LCLAT1: variants seen among roughly 807,000 people sequenced by gnomAD.
LCLAT1 encodes the protein 1-AGP acyltransferase 8.
Under a neutral mutation model 30.7 loss-of-function variants are expected in LCLAT1, and 11 were observed. The observed-to-expected ratio is 0.36, with a 90% confidence interval of 0.23 to 0.59. LCLAT1 has a LOEUF of 0.59. LCLAT1 is among the 20% of genes least tolerant of loss of function. LCLAT1 has a pLI of 0.77. For missense variants in LCLAT1, 402 were observed against 458.6 expected (o/e 0.88, Z 1.13); for synonymous variants, 155 against 151.3 (o/e 1.02, Z -0.18).
At chr2:30,473,363 A>C (rs1682892367) in intron 1 of LCLAT1, among the ~76,000 whole-genome samples, 1 of 152,170 alleles carries the variant, frequency 6.6e-6, no homozygotes, top group African/African-American at 2.4e-5. Flanking sequence ...CTTTTAAGTT[A>C]GTGTCCTTGG....
intron 5 of LCLAT1, among the ~76,000 whole-genome samples, chr2:30,630,236 C>T (rs1324707398): frequency 6.6e-6 from 1 of 152,150 alleles, no homozygotes; most frequent in Non-Finnish European, 1.5e-5. Flanking sequence ...CAGGGCCTCA[C>T]CTTTTTTGCC....
At chr2:30,463,899 TC>T (rs1394607476) in intron 1 of LCLAT1, among the ~76,000 whole-genome samples, 3 of 152,248 alleles carry the variant, frequency 2.0e-5, no homozygotes, top group African/African-American at 7.2e-5. Context: ...TTATACTATT[TC>T]TAATTTTCAC....
At chr2:30,550,738 C>T (rs60821673) in intron 3 of LCLAT1, among the ~76,000 whole-genome samples, 7,155 of 152,126 alleles carry the variant, frequency 0.047, 579 homozygotes, top group African/African-American at 0.16. Context: ...ATCCACTAAG[C>T]ACAGCCCACA....
intron 1 of LCLAT1, among the ~76,000 whole-genome samples, chr2:30,474,780 T>C (rs1031768657): frequency 1.4e-5 from 2 of 147,628 alleles, no homozygotes; most frequent in Admixed American, 6.8e-5. Flanking sequence ...TCCTGTGTAG[T>C]TGGGATCACA....
intron 1 of LCLAT1, among the ~76,000 whole-genome samples, chr2:30,456,908 G>T (rs943712771): frequency 6.6e-6 from 1 of 152,190 alleles, no homozygotes; most frequent in African/African-American, 2.4e-5. Flanking sequence ...GTTGGACAGG[G>T]ATTACTTCTT....
At chr2:30,449,501 C>CTT (rs1200587860) in intron 1 of LCLAT1, among the ~76,000 whole-genome samples, 7 of 136,944 alleles carry the variant, frequency 5.1e-5, no homozygotes, top group Non-Finnish European at 8.0e-5. Flanking sequence ...TGACTAATTT[C>CTT]TTTTTTTTTT....
intron 1 of LCLAT1, among the ~76,000 whole-genome samples, chr2:30,522,266 A>G (rs1241725534): frequency 1.3e-5 from 2 of 152,358 alleles, no homozygotes; most frequent in South Asian, 2.1e-4. Context: ...GAAACTACCA[A>G]ACTTTTCCAA....
chr2:30,482,720 G>A (rs900092681), intron 1 of LCLAT1, among the ~76,000 whole-genome samples: 3 of 151,718 alleles, frequency 2.0e-5, no homozygotes, highest in African/African-American at 7.3e-5. Context: ...AGTATCGCTT[G>A]AGGCTAGTAG....
At chr2:30,552,375 T>C (rs897896721) in intron 3 of LCLAT1, 24 of 307,356 alleles carry the variant, frequency 7.8e-5, no homozygotes, top group Admixed American at 2.0e-4. Context: ...TTTCTCCATT[T>C]TTCTCCACTT....
chr2:30,576,883 T>A (rs930903740), intron 5 of LCLAT1, among the ~76,000 whole-genome samples: 3 of 151,908 alleles, frequency 2.0e-5, no homozygotes, highest in African/African-American at 4.8e-5. Context: ...TTGTGTTGAG[T>A]ATTGCAAAGT....
intron 1 of LCLAT1, among the ~76,000 whole-genome samples, chr2:30,510,650 T>G (rs377471073): frequency 1.4e-4 from 21 of 152,200 alleles, no homozygotes; most frequent in South Asian, 4.1e-4. Flanking sequence ...TTGAGATTGT[T>G]GTTGCTGATT....
At chr2:30,508,380 C>T (rs1257142238) in intron 1 of LCLAT1, among the ~76,000 whole-genome samples, 2 of 152,042 alleles carry the variant, frequency 1.3e-5, no homozygotes, top group African/African-American at 4.8e-5. Context: ...AATAGTATTG[C>T]CTTCCGGGTT....
intron 5 of LCLAT1, among the ~76,000 whole-genome samples, chr2:30,609,897 C>A (rs1667649839): frequency 6.6e-6 from 1 of 152,100 alleles, no homozygotes; most frequent in Non-Finnish European, 1.5e-5. Context: ...GTAGCTGTAG[C>A]TAGCACAGGA....
At chr2:30,515,700 GTTTTCAAATGTCTTTT>G (rs1052860536) in intron 1 of LCLAT1, among the ~76,000 whole-genome samples, 2 of 152,104 alleles carry the variant, frequency 1.3e-5, no homozygotes, top group Non-Finnish European at 2.9e-5. Flanking sequence ...ACTGCACTTA[GTTTTCAAATGTCTTTT>G]TAAAAACAGT....
Position 30,558,620 on chromosome 2 carries a change from G to A in LCLAT1, c.365-3526G>A, listed in dbSNP as rs144860119. Among the ~76,000 whole-genome samples the A allele has an allele frequency of 6.9e-3, 992 of 144,758 alleles. 11 individuals are homozygous for A. The highest frequency in any genetic ancestry group is 0.024 in the African/African-American group (945 of 39,460). 95.0% of individuals were successfully genotyped at this position (144,758 alleles called of 152,430 possible). On this transcript the variant is annotated intron_variant, in intron 3 of 5. Transcript: ENST00000379509. ...CTCAAAAAAAAAAAAAAAAAAAAAGGTGTCCAGCATTATTGTATAGGAAAT... is the reference window on the plus strand; with the variant it reads ...CTCAAAAAAAAAAAAAAAAAAAAAGATGTCCAGCATTATTGTATAGGAAAT...
intron 1 of LCLAT1, chr2:30,459,654 A>C (rs756290618): frequency 6.2e-7 from 1 of 1,614,056 alleles, no homozygotes; most frequent in Non-Finnish European, 8.5e-7. Flanking sequence ...TTCTGAACCC[A>C]TGGTCAATTA....
At chr2:30,586,191 G>A (rs1404240390) in intron 5 of LCLAT1, among the ~76,000 whole-genome samples, 5 of 142,248 alleles carry the variant, frequency 3.5e-5, no homozygotes, top group Admixed American at 7.5e-5. Flanking sequence ...TTGCGAAGCC[G>A]AGATCGCGCC....
chr2:30,620,022 A>T (rs1438388807), intron 5 of LCLAT1, among the ~76,000 whole-genome samples: 1 of 152,220 alleles, frequency 6.6e-6, no homozygotes, highest in East Asian at 1.9e-4. Context: ...AATAATTTTA[A>T]TAGGCAACAT....
chr2:30,605,939 C>T (rs1286768477), intron 5 of LCLAT1: 1 of 1,081,720 alleles, frequency 9.2e-7, no homozygotes, highest in Non-Finnish European at 1.2e-6. Flanking sequence ...ACCTAGATCC[C>T]TCACTTGCAC....
Sources: gnomAD v4.1 joint callset for allele counts (sites outside exome capture counted in the v4.1 genomes callset) on GRCh38, gnomAD v4.1.1 for gene constraint, MANE v1.5 for transcripts, NCBI Gene and HGNC (gene_info 2026-07-23, HGNC 2026-07-21) for gene names.